The following ZMIZ1 variants were observed in gnomAD, a reference collection of about 807,000 sequenced individuals.
The protein encoded by ZMIZ1 is zinc finger MIZ domain-containing protein 1.
In ZMIZ1, 17 loss-of-function variants were observed where a neutral mutation model predicts 113.9. The observed-to-expected ratio is 0.15, with a 90% CI of 0.10 to 0.22. ZMIZ1 has a LOEUF of 0.22. ZMIZ1 is among the 10% of genes least tolerant of loss of function. The pLI is 1.00. For synonymous variants in ZMIZ1, 607 were observed against 603.1 expected, an observed-to-expected ratio of 1.01 and a Z score of -0.09; for missense variants, 1,059 against 1,477.8, an observed-to-expected ratio of 0.72 and a Z score of 4.65.
Position 79,268,624 on chromosome 10 carries a change from A to T in ZMIZ1, c.281-8557A>T, listed in dbSNP as rs183373460. Among the ~76,000 whole-genome samples, 6 of 152,306 alleles carry T rather than the reference A, an allele frequency of 3.9e-5. No individual in the cohort carries two copies. In the East Asian group the frequency reaches 1.2e-3, roughly 29 times the overall value. ...CAGGGTTGTAGAAGTGAAGCCCCCA[A>T]ATCCGATCGTGGCCCCAGGGGCTCA... On this transcript the variant is annotated intron_variant, in intron 7 of 24. Transcript: ENST00000334512.
At chr10:79,114,253 CT>C (rs1214848134) in intron 1 of ZMIZ1, among the ~76,000 whole-genome samples, 5 of 152,012 alleles carry the variant, frequency 3.3e-5, no homozygotes, top group African/African-American at 1.2e-4. Context: ...TTTTTTCCCC[CT>C]GTTTAATGGC....
intron 1 of ZMIZ1, among the ~76,000 whole-genome samples, chr10:79,108,517 G>C (rs1843632925): frequency 6.6e-6 from 1 of 152,152 alleles, no homozygotes; most frequent in Admixed American, 6.6e-5. Flanking sequence ...CAGGCTGAGA[G>C]TGAAGGAAGA....
At chr10:79,160,660 CTTTGCCTCTTA>C (rs1444418738) in intron 3 of ZMIZ1, among the ~76,000 whole-genome samples, 1 of 152,266 alleles carries the variant, frequency 6.6e-6, no homozygotes, top group Non-Finnish European at 1.5e-5. Flanking sequence ...CACCAGGCCT[CTTTGCCTCTTA>C]TCGAGGCCCT....
In ZMIZ1 at chr10:79,118,738, C is replaced by T. The variant is rs898383981; in HGVS notation, c.-336-177C>T. 2.0e-5 allele frequency among the ~76,000 whole-genome samples: 3 copies of T among 152,158 alleles called. No individual in the cohort carries two copies. Among genetic ancestry groups the T allele is most frequent in the African/African-American group, 7.2e-5 (3 of 41,446 alleles). On this transcript the variant is annotated intron_variant, in intron 1 of 24. Transcript: ENST00000334512. The surrounding 1 kb of genome is among the most constrained non-coding windows in gnomAD (Gnocchi z 4.1). ...CTTCGAATGTGACGTTCAGGAGCTG[C>T]GACCTTTATTTGGCAGTGGCAGGAC... is the stretch of plus-strand genomic sequence containing the variant.
chr10:79,090,619 G>A (rs1245169615), intron 1 of ZMIZ1, among the ~76,000 whole-genome samples: 1 of 152,230 alleles, frequency 6.6e-6, no homozygotes, highest in African/African-American at 2.4e-5. Context: ...GTGCTGAGAT[G>A]TTGAGAGTTG....
intron 7 of ZMIZ1, among the ~76,000 whole-genome samples, chr10:79,247,853 G>C (rs562396044): frequency 1.4e-4 from 22 of 152,230 alleles, no homozygotes; most frequent in Non-Finnish European, 1.9e-4. Context: ...GTAGAATCAT[G>C]GCTCCCAACA....
intron 4 of ZMIZ1, among the ~76,000 whole-genome samples, chr10:79,199,571 A>G (rs1564714706): frequency 1.3e-5 from 2 of 152,020 alleles, no homozygotes; most frequent in African/African-American, 4.8e-5. Flanking sequence ...AAGAGGGGGG[A>G]AAAGAAAGCA....
At chr10:79,148,910 A>G (rs867351201) in intron 3 of ZMIZ1, among the ~76,000 whole-genome samples, 2 of 152,324 alleles carry the variant, frequency 1.3e-5, no homozygotes, top group Middle Eastern at 3.4e-3. Context: ...CAGAGCATCA[A>G]GCTGGGTCTG....
At chr10:79,150,937 G>A (rs1845688965) in intron 3 of ZMIZ1, among the ~76,000 whole-genome samples, 1 of 152,010 alleles carries the variant, frequency 6.6e-6, no homozygotes, top group Non-Finnish European at 1.5e-5. Flanking sequence ...GGTGCTCTCT[G>A]ACCCATGACC....
Position 79,293,611 on chromosome 10 carries a change from G to A in ZMIZ1, c.1188G>A (p.Gln396=). 1 of 1,613,134 alleles carries A rather than the reference G, an allele frequency of 6.2e-7. No homozygotes were observed. Among genetic ancestry groups the A allele is most frequent in the Non-Finnish European group, 8.5e-7 (1 of 1,180,026 alleles). The change falls in exon 12 of 25, where the codon CAG becomes CAA. Residue 396 remains glutamine, a synonymous_variant. Transcript: ENST00000334512. The part of the protein sequence containing the change: ...PQQTYPGPRP[Q]SLPIQNIKRP... The stretch of plus-strand genomic sequence containing the variant: ...AGACCTACCCGGGCCCCCGGCCCCA[G>A]TCCCTTCCTATTCAGAACATAAAGA...
intron 7 of ZMIZ1, among the ~76,000 whole-genome samples, chr10:79,259,875 G>T (rs938490825): frequency 6.6e-6 from 1 of 152,176 alleles, no homozygotes; most frequent in African/African-American, 2.4e-5. Flanking sequence ...GCCTCCAAAA[G>T]TGCTGGGATT....
chr10:79,240,642 T>TTTTTTTTTTTTTTTTTTTTTTTTTTTTG (rs1849786774), intron 7 of ZMIZ1, among the ~76,000 whole-genome samples: 1 of 120,408 alleles, frequency 8.3e-6, no homozygotes, highest in East Asian at 2.4e-4. Flanking sequence ...ATTTATCTTT[T>TTTTTTTTTTTTTTTTTTTTTTTTTTTTG]TTTTTTTTTT....
intron 7 of ZMIZ1, among the ~76,000 whole-genome samples, chr10:79,218,106 T>C (rs1848811687): frequency 6.6e-6 from 1 of 152,166 alleles, no homozygotes; most frequent in South Asian, 2.1e-4. Flanking sequence ...ACAGGGGCTT[T>C]TGGGGGCTCT....
chr10:79,289,839 C>T lies in ZMIZ1; in HGVS notation c.490C>T (p.Leu164Phe). The T allele has an allele frequency of 1.2e-6, 2 of 1,614,124 alleles. No individual in the cohort carries two copies. Among genetic ancestry groups the T allele is most frequent in the Non-Finnish European group, 1.7e-6 (2 of 1,179,946 alleles). ...GAACACCAACCAGCCTCCCGGCTCC[C>T]TTTCCGTGGTCACCACGGTTTGGGG... is the stretch of plus-strand genomic sequence containing the variant. ...QQNTNQPPGS[L>F]SVVTTVWGVT... Residue 164 changes from leucine (L) to phenylalanine (F), a missense_variant, in exon 9 of 25, where the codon CTT becomes TTT. By Grantham distance (22) the Leu-to-Phe change is conservative. This residue lies in a region of ZMIZ1 where 272 missense variants were observed against 350.4 expected (regional missense o/e 0.78). Transcript: ENST00000334512.
At chr10:79,306,374 G>T in intron 22 of ZMIZ1, 30 bp downstream of exon 22, 1 of 1,600,836 alleles carries the variant, frequency 6.2e-7, no homozygotes, top group Non-Finnish European at 8.5e-7. Flanking sequence ...GAGGAAGGGA[G>T]AAGGAGGGCA....
chr10:79,232,261 A>G (rs964891618), intron 7 of ZMIZ1, among the ~76,000 whole-genome samples: 3 of 152,266 alleles, frequency 2.0e-5, no homozygotes, highest in East Asian at 1.9e-4. Flanking sequence ...CTACATCCCA[A>G]TGACTGAGAC....
chr10:79,101,233 G>A (rs1022241729), intron 1 of ZMIZ1, among the ~76,000 whole-genome samples: 1 of 152,204 alleles, frequency 6.6e-6, no homozygotes, highest in Admixed American at 6.5e-5. Context: ...CTAATGGAAG[G>A]GGTTCTCAGC....
At chr10:79,125,543 C>T (rs1255594739) in intron 2 of ZMIZ1, among the ~76,000 whole-genome samples, 2 of 152,232 alleles carry the variant, frequency 1.3e-5, no homozygotes, top group South Asian at 2.1e-4. Flanking sequence ...GTTTGCCCCA[C>T]TGGCTCTTTT....
At chr10:79,113,265 C>G (rs974517077) in intron 1 of ZMIZ1, among the ~76,000 whole-genome samples, 1 of 152,236 alleles carries the variant, frequency 6.6e-6, no homozygotes, top group African/African-American at 2.4e-5. Context: ...GTCTTCTGAG[C>G]AGCTCTGCCA....
Sources: gnomAD v4.1 joint callset for allele counts (sites outside exome capture counted in the v4.1 genomes callset) on GRCh38, gnomAD v4.1.1 for gene constraint, gnomAD v4.1.1 regional missense constraint, Gnocchi (gnomAD v3.1) non-coding constraint, MANE v1.5 for transcripts, NCBI Gene and HGNC (gene_info 2026-07-23, HGNC 2026-07-21) for gene names.